GASK1A: variants seen among roughly 807,000 people sequenced by gnomAD.
The protein encoded by GASK1A is Golgi-associated kinase 1A.
In GASK1A, 40 loss-of-function variants were observed where a neutral mutation model predicts 41.2. That is an observed-to-expected ratio of 0.97 (90% CI 0.75 to 1.27). The LOEUF (loss-of-function observed/expected upper bound fraction) is 1.27, where lower values mean the gene tolerates loss of function less well. Ranked by LOEUF, GASK1A falls within the 50% of genes most tolerant of loss-of-function variation. The pLI, the probability that GASK1A is intolerant of heterozygous loss-of-function variation, is 0.00. For synonymous variants in GASK1A, 316 were observed against 307.1 expected, an observed-to-expected ratio of 1.03 and a Z score of -0.30; for missense variants, 678 against 745.1, an observed-to-expected ratio of 0.91 and a Z score of 1.05.
chr3:43,040,884 G>GACC (rs1553616000), intron 2 of GASK1A, among the ~76,000 whole-genome samples: 2 of 103,894 alleles, frequency 1.9e-5, no homozygotes, highest in African/African-American at 6.3e-5. Context: ...CCTCCCCCCC[G>GACC]CCACAACAGT....
At chr3:43,004,024 C>T (rs981085565) in intron 1 of GASK1A, among the ~76,000 whole-genome samples, 5 of 152,010 alleles carry the variant, frequency 3.3e-5, no homozygotes, top group African/African-American at 4.8e-5. Context: ...ATGAGGGTGT[C>T]GTTGTTTTGG....
At chr3:43,025,476 G>A (rs2089542415) in intron 1 of GASK1A, among the ~76,000 whole-genome samples, 1 of 152,150 alleles carries the variant, frequency 6.6e-6, no homozygotes, top group Non-Finnish European at 1.5e-5. Flanking sequence ...TGACCCTGTG[G>A]TCCCTCCCTC....
intron 1 of GASK1A, among the ~76,000 whole-genome samples, chr3:43,006,958 C>G (rs1020843831): frequency 2.6e-5 from 4 of 151,766 alleles, no homozygotes; most frequent in Non-Finnish European, 5.9e-5. Flanking sequence ...ATAAGTTTCC[C>G]TATACTTCCG....
Position 43,041,322 on chromosome 3 carries a change from C to T in GASK1A, c.1290+7769C>T, listed in dbSNP as rs1294879066. Among the ~76,000 whole-genome samples, 6 of 152,028 alleles carry T rather than the reference C, an allele frequency of 3.9e-5. No homozygotes were observed. In the East Asian group the frequency reaches 7.7e-4, roughly 20 times the overall value. On this transcript the variant is annotated intron_variant, in intron 2 of 4. Coordinates refer to ENST00000430121, the MANE Select transcript of GASK1A (RefSeq NM_001129908.3). ...CACACTGACTTCCACAATGGTTGAA[C>T]TAGTTTACAGTCCCACCAACAGTGT...
chr3:42,985,346 A>G (rs768088598), intron 1 of GASK1A, among the ~76,000 whole-genome samples: 4 of 152,152 alleles, frequency 2.6e-5, no homozygotes, highest in Non-Finnish European at 4.4e-5. Context: ...AAGGCCACAA[A>G]TGGAGGATTC....
Position 43,032,982 on chromosome 3 carries a change from T to C in GASK1A, c.719T>C (p.Val240Ala). Residue 240 changes from valine (V) to alanine (A), a missense_variant, in exon 2 of 5, where the codon GTA becomes GCA. By Grantham distance (64) the Val-to-Ala change is moderately conservative (BLOSUM62 0). Coordinates refer to ENST00000430121, the MANE Select transcript of GASK1A (RefSeq NM_001129908.3). ...TCTGTTGAGAAGCTGCAAGGGTCAG[T>C]ATGGTGTGATGCTGAGACGCTGTTG... Reference protein sequence around the residue: ...PGSVEKLQGSVWCDAETLLSS... With the variant: ...PGSVEKLQGSAWCDAETLLSS... 3 of 1,551,322 alleles carry C rather than the reference T, an allele frequency of 1.9e-6. No individual in the cohort carries two copies. Among genetic ancestry groups the C allele is most frequent in the Non-Finnish European group, 2.6e-6 (3 of 1,146,860 alleles).
chr3:43,055,382 C>A, intron 3 of GASK1A, 50 bp from the exon 4 acceptor site: 1 of 1,363,126 alleles, frequency 7.3e-7, no homozygotes, highest in Non-Finnish European at 1.0e-6. Flanking sequence ...AGGTGCCAGC[C>A]GTAGCTGCAC....
intron 1 of GASK1A, among the ~76,000 whole-genome samples, chr3:42,992,324 A>G (rs2089345632): frequency 6.6e-6 from 1 of 152,242 alleles, no homozygotes. Flanking sequence ...TGGGCATTTC[A>G]GTGAACCTTT....
chr3:43,055,721 C>T lies in GASK1A; in HGVS notation c.1517+186C>T, dbSNP rs369394077. 30 of 581,072 alleles carry T rather than the reference C, an allele frequency of 5.2e-5. 1 individual carries two copies. Among genetic ancestry groups the T allele is most frequent in the African/African-American group, 5.1e-4 (27 of 53,462 alleles). 36.0% of individuals were successfully genotyped at this position (581,072 alleles called of 1,614,324 possible). ...CTGAGAGGGGATACAGTTGGCAGGG[C>T]CTACCCCAATATCCAGAGGGCCTCG... On this transcript the variant is annotated intron_variant, in intron 4 of 4. Coordinates refer to ENST00000430121, the MANE Select transcript of GASK1A (RefSeq NM_001129908.3).
Position 43,040,883 on chromosome 3 carries a change from C to CCA in GASK1A, c.1290+7330_1290+7331insCA, listed in dbSNP as rs1275576278. 5.3e-4 allele frequency among the ~76,000 whole-genome samples: 65 copies of CCA among 123,268 alleles called. 8 individuals are homozygous for CCA. The highest frequency in any genetic ancestry group is 1.1e-3 in the Non-Finnish European group (56 of 51,842). 80.9% of individuals were successfully genotyped at this position (123,268 alleles called of 152,430 possible). ...ATCTCCCAATGCTATCCCTCCCCCCCGCCACAACAGTCCGCAGAGTGTGAT... is the reference window on the plus strand; with the variant it reads ...ATCTCCCAATGCTATCCCTCCCCCCCCAGCCACAACAGTCCGCAGAGTGTGAT... On this transcript the variant is annotated intron_variant, in intron 2 of 4. Transcript: ENST00000430121.
At chr3:43,019,745 A>G (rs1035373138) in intron 1 of GASK1A, among the ~76,000 whole-genome samples, 1 of 145,538 alleles carries the variant, frequency 6.9e-6, no homozygotes, top group Non-Finnish European at 1.5e-5. Flanking sequence ...GTTAGACCCA[A>G]ATTCCGTTTT....
intron 1 of GASK1A, among the ~76,000 whole-genome samples, chr3:42,981,268 A>C (rs2125670999): frequency 6.6e-6 from 1 of 152,198 alleles, no homozygotes; most frequent in South Asian, 2.1e-4. Flanking sequence ...ATGGCCTTGG[A>C]GATCTGAAGG....
intron 1 of GASK1A, among the ~76,000 whole-genome samples, chr3:42,982,524 T>G (rs1256665802): frequency 5.9e-5 from 9 of 152,220 alleles, no homozygotes; most frequent in Admixed American, 5.9e-4. Context: ...TTTCCATGTC[T>G]ACATCTCTAG....
intron 1 of GASK1A, among the ~76,000 whole-genome samples, chr3:42,987,838 A>C (rs1253448977): frequency 6.6e-6 from 1 of 151,776 alleles, no homozygotes; most frequent in Non-Finnish European, 1.5e-5. Flanking sequence ...ATCTCTACTG[A>C]AAATACAAAA....
At chr3:43,008,652 C>T (rs576025273) in intron 1 of GASK1A, among the ~76,000 whole-genome samples, 3 of 152,238 alleles carry the variant, frequency 2.0e-5, no homozygotes, top group African/African-American at 7.2e-5. Context: ...TGCTGCCAGG[C>T]ATCTGCCCAG....
Position 42,990,142 on chromosome 3 carries a change from A to G in GASK1A, c.3+10497A>G, listed in dbSNP as rs1290383462. On this transcript the variant is annotated intron_variant, in intron 1 of 4. Coordinates refer to ENST00000430121, the MANE Select transcript of GASK1A (RefSeq NM_001129908.3). ...CAGGAGTTCAAGACCAGCCTGGGCAACATAGACTTTTGTCTATGTTGGGCA... is the reference window on the plus strand; with the variant it reads ...CAGGAGTTCAAGACCAGCCTGGGCAGCATAGACTTTTGTCTATGTTGGGCA... Among the ~76,000 whole-genome samples, 4 of 152,080 alleles carry G rather than the reference A, an allele frequency of 2.6e-5. 1 individual carries two copies. The highest frequency in any genetic ancestry group is 9.6e-5 in the African/African-American group (4 of 41,484).
intron 2 of GASK1A, among the ~76,000 whole-genome samples, chr3:43,048,582 G>T (rs371590137): frequency 1.6e-4 from 25 of 152,360 alleles, no homozygotes; most frequent in African/African-American, 6.0e-4. Flanking sequence ...ACCCAGATGA[G>T]GGCCCTTGAC....
intron 1 of GASK1A, among the ~76,000 whole-genome samples, chr3:43,026,704 G>T (rs1348596725): frequency 6.6e-6 from 1 of 152,008 alleles, no homozygotes; most frequent in Non-Finnish European, 1.5e-5. Context: ...AACAAGAACA[G>T]TGAACAAAAT....
chr3:42,995,238 A>G (rs2089363265), intron 1 of GASK1A, among the ~76,000 whole-genome samples: 1 of 152,170 alleles, frequency 6.6e-6, no homozygotes. Flanking sequence ...TCTATAAGAA[A>G]AACAATAAGG....
Sources: gnomAD v4.1 joint callset for allele counts (sites outside exome capture counted in the v4.1 genomes callset) on GRCh38, gnomAD v4.1.1 for gene constraint, MANE v1.5 for transcripts, NCBI Gene and HGNC (gene_info 2026-07-23, HGNC 2026-07-21) for gene names.